The following SGSM3 variants were observed in gnomAD, a reference collection of about 807,000 sequenced individuals.
SGSM3 encodes the protein small G protein signaling modulator 3.
A neutral mutation model predicts 100.5 loss-of-function variants in SGSM3; 96 were observed. The observed-to-expected ratio is 0.96, with a 90% CI of 0.81 to 1.13. The LOEUF is 1.13. SGSM3 is among the 50% of genes most tolerant of loss of function. The probability of loss-of-function intolerance (pLI) is 0.00; values close to 1 mark genes in which losing one functional copy is unlikely to be tolerated. For missense variants in SGSM3, 1,001 were observed against 1,015.8 expected (o/e 0.99, Z 0.20); for synonymous variants, 483 against 422.8 (o/e 1.14, Z -1.75).
At chr22:40,391,345 C>T (rs562179662) in intron 1 of SGSM3, among the ~76,000 whole-genome samples, 74 of 152,298 alleles carry the variant, frequency 4.9e-4, no homozygotes, top group African/African-American at 1.5e-3. Flanking sequence ...TGTTGACTCA[C>T]GTCTATAATC....
intron 2 of SGSM3, 101 bp from the exon 3 acceptor site, chr22:40,401,492 C>T: frequency 2.4e-6 from 2 of 840,830 alleles, no homozygotes; most frequent in Non-Finnish European, 4.0e-6. Flanking sequence ...GTGATCTGCC[C>T]ACCTCGGCCT....
At chr22:40,394,304 G>C (rs2049760058) in intron 1 of SGSM3, among the ~76,000 whole-genome samples, 1 of 152,182 alleles carries the variant, frequency 6.6e-6, no homozygotes, top group Non-Finnish European at 1.5e-5. Flanking sequence ...TCTTTCAGCA[G>C]GCTTCCCTTG....
At chr22:40,405,587 G>A in intron 7 of SGSM3, 62 bp from the exon 8 acceptor site, 1 of 1,479,042 alleles carries the variant, frequency 6.8e-7, no homozygotes, top group Non-Finnish European at 9.3e-7. Context: ...TAGGGTAGGG[G>A]CACCTTTTCT....
In SGSM3 at chr22:40,409,458, C is replaced by CT. The variant is rs1280328149; in HGVS notation, c.2112-7_2112-6insT. On this transcript the variant is annotated splice_region_variant and splice_polypyrimidine_tract_variant and intron_variant, in intron 20 of 21. Transcript: ENST00000248929. The stretch of plus-strand genomic sequence containing the variant: ...CAAGAGCCTTACCACCCCTTCCTCA[C>CT]CTCTAGAGTCCTCTGCTGCTTTGCC... 1.3e-6 allele frequency: 2 copies of CT among 1,576,158 alleles called. No homozygotes were observed. The highest frequency in any genetic ancestry group is 2.7e-5 in the African/African-American group (2 of 73,208).
rs373039079 is a variant in SGSM3 at position 40,372,099 on chromosome 22, G to A, written c.-112+1411G>A. ...AATTATCATAGTAGCCTGAGCTTTA[G>A]TTCTTCTCCCTGTCCCCCCCCCCTT... On this transcript the variant is annotated intron_variant, in intron 1 of 21. Coordinates refer to ENST00000248929, the MANE Select transcript of SGSM3 (RefSeq NM_015705.6). Among the ~76,000 whole-genome samples the A allele has an allele frequency of 5.5e-4, 72 of 130,784 alleles. 1 individual carries two copies. In the South Asian group the frequency reaches 0.011, roughly 20 times the overall value. The allele number at this position is 130,784 out of a possible 152,430, so 85.8% of individuals were successfully genotyped here. A position where few individuals can be genotyped will look rare whatever the true frequency, so the allele number is the denominator to read the frequency against.
chr22:40,376,763 C>G (rs1289667344), intron 1 of SGSM3, among the ~76,000 whole-genome samples: 1 of 152,052 alleles, frequency 6.6e-6, no homozygotes, highest in Non-Finnish European at 1.5e-5. Flanking sequence ...TGCTCATAAT[C>G]TCCACCTTCA....
chr22:40,400,918 A>AGGT, intron 2 of SGSM3, 105 bp downstream of exon 2: 1 of 1,136,006 alleles, frequency 8.8e-7, no homozygotes, highest in Non-Finnish European at 1.2e-6. Flanking sequence ...CAGATAAGAG[A>AGGT]GGTGGAGATG....
At chr22:40,391,832 G>C (rs2049390690) in intron 1 of SGSM3, among the ~76,000 whole-genome samples, 1 of 152,194 alleles carries the variant, frequency 6.6e-6, no homozygotes, top group Admixed American at 6.5e-5. Flanking sequence ...AGAGTGCCCA[G>C]AAGTGCTTCT....
chr22:40,389,621 AAAAG>A (rs1341369304), intron 1 of SGSM3, among the ~76,000 whole-genome samples: 7 of 119,534 alleles, frequency 5.9e-5, no homozygotes, highest in Non-Finnish European at 1.1e-4. Context: ...AAAAAAAAAA[AAAAG>A]GGCCGGGCGC....
intron 1 of SGSM3, among the ~76,000 whole-genome samples, chr22:40,381,454 G>C (rs1196299937): frequency 6.6e-6 from 1 of 152,086 alleles, no homozygotes; most frequent in African/African-American, 2.4e-5. Context: ...CGGCTACAAG[G>C]CATTTTAACG....
Position 40,407,651 on chromosome 22 carries a change from T to G in SGSM3, c.1524+83T>G. On this transcript the variant is annotated intron_variant, in intron 13 of 21. Transcript: ENST00000248929. The surrounding 1 kb of genome is among the most constrained non-coding windows in gnomAD (Gnocchi z 4.7). Reference sequence around the variant, plus strand: ...CTCCACCAAGCCCCACCCCAACCCCTTTCCCTGCCAAGAGCTTCTCTTGTG... The same window carrying G: ...CTCCACCAAGCCCCACCCCAACCCCGTTCCCTGCCAAGAGCTTCTCTTGTG... 6.3e-7 allele frequency: 1 copy of G among 1,578,182 alleles called. No homozygotes were observed. The highest frequency in any genetic ancestry group is 8.6e-7 in the Non-Finnish European group (1 of 1,159,674).
intron 1 of SGSM3, among the ~76,000 whole-genome samples, chr22:40,398,730 T>G (rs886612578): frequency 7.1e-6 from 1 of 141,304 alleles, no homozygotes; most frequent in Admixed American, 8.2e-5. Flanking sequence ...TAACAATAAC[T>G]TTCTAAAAAT....
chr22:40,392,746 C>A (rs1316828953), intron 1 of SGSM3, among the ~76,000 whole-genome samples: 1 of 152,202 alleles, frequency 6.6e-6, no homozygotes, highest in African/African-American at 2.4e-5. Context: ...TTCGTACATT[C>A]ACTATGTTGT....
chr22:40,400,944 G>A, intron 2 of SGSM3, 131 bp downstream of exon 2: 1 of 886,188 alleles, frequency 1.1e-6, no homozygotes, highest in Admixed American at 3.3e-5. Flanking sequence ...GAAGGCTTCT[G>A]GCTGGCTGAG....
In SGSM3 at chr22:40,398,897, G is replaced by A. The variant is rs1335224378; in HGVS notation, c.-111-1799G>A. Reference sequence around the variant, plus strand: ...TATCGAAAAGAAAACTGATACAGACGTGAAGTAAACTTGCCCACGGTTATA... The same window carrying A: ...TATCGAAAAGAAAACTGATACAGACATGAAGTAAACTTGCCCACGGTTATA... On this transcript the variant is annotated intron_variant, in intron 1 of 21. Transcript: ENST00000248929. Among the ~76,000 whole-genome samples, 3 of 140,350 alleles carry A rather than the reference G, an allele frequency of 2.1e-5. 1 individual carries two copies. The highest frequency in any genetic ancestry group is 2.2e-4 in the South Asian group (1 of 4,504). 92.1% of individuals were successfully genotyped at this position (140,350 alleles called of 152,430 possible).
intron 1 of SGSM3, among the ~76,000 whole-genome samples, chr22:40,374,943 A>T (rs968142828): frequency 6.6e-6 from 1 of 152,234 alleles, no homozygotes; most frequent in Non-Finnish European, 1.5e-5. Context: ...TAACAAGGCT[A>T]GATTTTCAGT....
intron 1 of SGSM3, among the ~76,000 whole-genome samples, chr22:40,383,834 A>C (rs1212763093): frequency 6.6e-6 from 1 of 152,222 alleles, no homozygotes; most frequent in Non-Finnish European, 1.5e-5. Flanking sequence ...AGATTTTGAC[A>C]GTGGCCCAGA....
chr22:40,404,646 G>A lies in SGSM3; in HGVS notation c.456G>A (p.Glu152=). The change falls in exon 6 of 22, where the codon GAG becomes GAA. Residue 152 remains glutamate, a synonymous_variant. Coordinates refer to ENST00000248929, the MANE Select transcript of SGSM3 (RefSeq NM_015705.6). ...REIVKNSSND[E]TIAAKQIEKD... ...TTGTGAAGAACAGCTCCAACGATGA[G>A]ACCATCGCTGCCAAGCAGGTGAGGC... 1.2e-6 allele frequency: 2 copies of A among 1,611,650 alleles called. No homozygotes were observed. Among genetic ancestry groups the A allele is most frequent in the East Asian group, 2.2e-5 (1 of 44,808 alleles).
At chr22:40,399,983 G>C (rs1178408159) in intron 1 of SGSM3, among the ~76,000 whole-genome samples, 2 of 152,236 alleles carry the variant, frequency 1.3e-5, no homozygotes, top group African/African-American at 2.4e-5. Context: ...CCCCACACTT[G>C]TATGTCTTTA....
Sources: gnomAD v4.1 joint callset for allele counts (sites outside exome capture counted in the v4.1 genomes callset) on GRCh38, gnomAD v4.1.1 for gene constraint, Gnocchi (gnomAD v3.1) non-coding constraint, MANE v1.5 for transcripts, NCBI Gene and HGNC (gene_info 2026-07-23, HGNC 2026-07-21) for gene names.